Variants in IP6K1 observed in about 807,000 individuals in gnomAD.
IP6K1 encodes inositol hexakisphosphate kinase 1, also known as ATP:1D-myo-inositol-hexakisphosphate phosphotransferase.
IP6K1 carries 13 observed loss-of-function variants against 38.3 expected under a neutral mutation model. The ratio of observed to expected loss-of-function variants is 0.34; its 90% CI spans 0.22 to 0.54. IP6K1 has a LOEUF of 0.54. Ranked by LOEUF, IP6K1 falls within the 20% of genes least tolerant of loss-of-function variation. The probability of loss-of-function intolerance (pLI) is 0.92; values close to 1 mark genes in which losing one functional copy is unlikely to be tolerated. For missense variants in IP6K1, 397 were observed against 599.8 expected, an observed-to-expected ratio of 0.66 and a Z score of 3.53; for synonymous variants, 212 against 229.9, an observed-to-expected ratio of 0.92 and a Z score of 0.70.
In IP6K1 at chr3:49,726,440, AG is replaced by A. The variant is rs1452256766; in HGVS notation, c.*681del. 1 of 152,504 alleles carries A rather than the reference AG, an allele frequency of 6.6e-6. No individual in the cohort carries two copies. Among genetic ancestry groups the A allele is most frequent in the Non-Finnish European group, 1.5e-5 (1 of 68,060 alleles). 9.4% of individuals were successfully genotyped at this position (152,504 alleles called of 1,614,324 possible). A position where few individuals can be genotyped will look rare whatever the true frequency, so the allele number is the denominator to read the frequency against. On this transcript the variant is annotated 3_prime_UTR_variant, in exon 6 of 6. Transcript: ENST00000321599. ...TTCTTAGGCAAGGGAACTTGGTGAGAGAGGCTGTTTCAGGAATAGGACAGGT... is the reference window on the plus strand; with the variant it reads ...TTCTTAGGCAAGGGAACTTGGTGAGAAGGCTGTTTCAGGAATAGGACAGGT...
intron 3 of IP6K1, among the ~76,000 whole-genome samples, chr3:49,733,347 A>G (rs1009303168): frequency 6.6e-6 from 1 of 152,208 alleles, no homozygotes; most frequent in Non-Finnish European, 1.5e-5. Context: ...CAGCCACCAA[A>G]CAGTTTGGTG....
chr3:49,743,415 G>A (rs1479395272), intron 2 of IP6K1, among the ~76,000 whole-genome samples: 2 of 151,714 alleles, frequency 1.3e-5, no homozygotes, highest in South Asian at 2.1e-4. Context: ...AGTGAGGTCC[G>A]ATCTCTTAAA....
At chr3:49,780,502 C>T (rs1195204498) in intron 1 of IP6K1, among the ~76,000 whole-genome samples, 2 of 152,176 alleles carry the variant, frequency 1.3e-5, no homozygotes, top group Non-Finnish European at 2.9e-5. Context: ...CAAGAGTGTA[C>T]TGTGCGTCTT....
At chr3:49,741,985 G>A (rs1024074546) in intron 2 of IP6K1, among the ~76,000 whole-genome samples, 2 of 152,110 alleles carry the variant, frequency 1.3e-5, no homozygotes, top group South Asian at 2.1e-4. Flanking sequence ...GCCATAATAT[G>A]AGAGGATTGC....
intron 1 of IP6K1, among the ~76,000 whole-genome samples, chr3:49,779,038 T>C (rs2081043397): frequency 6.6e-6 from 1 of 152,208 alleles, no homozygotes; most frequent in Non-Finnish European, 1.5e-5. Context: ...AAGTATAAAA[T>C]ATTCAGAAAT....
intron 1 of IP6K1, among the ~76,000 whole-genome samples, chr3:49,763,762 T>A (rs1401710443): frequency 6.6e-6 from 1 of 152,148 alleles, no homozygotes; most frequent in Admixed American, 6.6e-5. Context: ...ACGCCTGTAA[T>A]CCTAACACTT....
chr3:49,743,755 G>A (rs2080695508), intron 2 of IP6K1, among the ~76,000 whole-genome samples: 1 of 151,764 alleles, frequency 6.6e-6, no homozygotes, highest in Non-Finnish European at 1.5e-5. Context: ...AAGTAACTGG[G>A]ATTATAGGCA....
chr3:49,731,400 T>A (rs1435042882), intron 4 of IP6K1, among the ~76,000 whole-genome samples: 4 of 152,112 alleles, frequency 2.6e-5, no homozygotes, highest in Admixed American at 6.6e-5. Flanking sequence ...AAAGTAACTT[T>A]TAAATTTGGC....
chr3:49,754,377 G>C (rs1216747576), intron 1 of IP6K1, among the ~76,000 whole-genome samples: 9 of 34,478 alleles, frequency 2.6e-4, no homozygotes, highest in Non-Finnish European at 4.3e-4. Flanking sequence ...TCTTGTCTCA[G>C]GGGAAAAAAA....
intron 4 of IP6K1, 141 bp from the exon 5 acceptor site, chr3:49,728,419 C>T (rs2080531462): frequency 1.4e-6 from 1 of 704,700 alleles, no homozygotes; most frequent in Non-Finnish European, 2.4e-6. Flanking sequence ...GGGTTTCACA[C>T]CACTGGCTTA....
chr3:49,780,309 T>TACAAACACACACACACACACAC (rs1553697561), intron 1 of IP6K1, among the ~76,000 whole-genome samples: 1 of 117,546 alleles, frequency 8.5e-6, no homozygotes, highest in Admixed American at 9.4e-5. Flanking sequence ...TCATCTTTCA[T>TACAAACACACACACACACACAC]ACACACACAC....
intron 1 of IP6K1, among the ~76,000 whole-genome samples, chr3:49,768,984 T>G (rs527807381): frequency 6.6e-6 from 1 of 152,174 alleles, no homozygotes; most frequent in Non-Finnish European, 1.5e-5. Context: ...CATTTTCTCA[T>G]GTATATTTAC....
rs185151051 is a variant in IP6K1 at position 49,772,821 on chromosome 3, T to C, written c.-129+13533A>G. Among the ~76,000 whole-genome samples, 417 of 151,450 alleles carry C rather than the reference T, an allele frequency of 2.8e-3. 2 individuals carry two copies. Among genetic ancestry groups the C allele is most frequent in the African/African-American group, 9.9e-3 (407 of 41,212 alleles). ...TACGTTGCCCAGGCTGGTCTTGAACTCTTGAGCTTTTTTTTTTTTTTAAAG... is the reference window on the plus strand; with the variant it reads ...TACGTTGCCCAGGCTGGTCTTGAACCCTTGAGCTTTTTTTTTTTTTTAAAG... On this transcript the variant is annotated intron_variant, in intron 1 of 5. Transcript: ENST00000321599.
At chr3:49,732,721 G>T in intron 4 of IP6K1, 70 bp downstream of exon 4, 1 of 1,322,602 alleles carries the variant, frequency 7.6e-7, no homozygotes, top group Non-Finnish European at 1.0e-6. Context: ...TCAGCCATAG[G>T]CAGAATGGTG....
chr3:49,733,077 C>A (rs1331172253), intron 3 of IP6K1, 105 bp from the exon 4 acceptor site: 1 of 761,744 alleles, frequency 1.3e-6, no homozygotes, highest in Non-Finnish European at 2.1e-6. Flanking sequence ...ACCCACAGAC[C>A]CTGCTAATGG....
At chr3:49,771,120 A>G (rs2080954825) in intron 1 of IP6K1, among the ~76,000 whole-genome samples, 1 of 151,332 alleles carries the variant, frequency 6.6e-6, no homozygotes, top group Non-Finnish European at 1.5e-5. Context: ...CCCTGTCTCT[A>G]AAAAAACAAA....
chr3:49,768,433 G>A (rs2080929765), intron 1 of IP6K1, among the ~76,000 whole-genome samples: 1 of 152,092 alleles, frequency 6.6e-6, no homozygotes, highest in Non-Finnish European at 1.5e-5. Context: ...AATAAGCCAG[G>A]CACAAAAGGG....
At chr3:49,779,801 C>T (rs1030025917) in intron 1 of IP6K1, among the ~76,000 whole-genome samples, 2 of 152,072 alleles carry the variant, frequency 1.3e-5, no homozygotes, top group African/African-American at 4.8e-5. Context: ...TCCTCCCGCC[C>T]CTGCCTCCCA....
intron 4 of IP6K1, among the ~76,000 whole-genome samples, chr3:49,729,258 T>C (rs1559701106): frequency 6.6e-6 from 1 of 152,218 alleles, no homozygotes; most frequent in Non-Finnish European, 1.5e-5. Flanking sequence ...AAGATTCATT[T>C]ATGTTGTAAG....
Sources: allele counts gnomAD v4.1 joint callset (sites outside exome capture counted in the v4.1 genomes callset), GRCh38; gene constraint gnomAD v4.1.1; transcripts MANE v1.5; gene names NCBI Gene and HGNC (gene_info 2026-07-23, HGNC 2026-07-21).